DPP10: variants seen among roughly 807,000 people sequenced by gnomAD.
The protein encoded by DPP10 is inactive dipeptidyl peptidase 10.
In DPP10, 33 loss-of-function variants were observed where a neutral mutation model predicts 120.9. That is an observed-to-expected ratio of 0.27 (90% CI 0.21 to 0.37). The LOEUF (loss-of-function observed/expected upper bound fraction) is 0.37. Ranked by LOEUF, DPP10 falls within the 10% of genes least tolerant of loss-of-function variation. The probability of loss-of-function intolerance (pLI) is 1.00; values close to 1 mark genes in which losing one functional copy is unlikely to be tolerated. For synonymous variants in DPP10, 337 were observed against 326.1 expected, an observed-to-expected ratio of 1.03 and a Z score of -0.36; for missense variants, 816 against 942.8, an observed-to-expected ratio of 0.87 and a Z score of 1.76.
In DPP10 at chr2:115,277,447, C is replaced by CTTT. The variant is rs70941038; in HGVS notation, c.61-31763_61-31761dup. 2.9e-3 allele frequency among the ~76,000 whole-genome samples: 144 copies of CTTT among 49,776 alleles called. 10 individuals carry two copies. Among genetic ancestry groups the CTTT allele is most frequent in the African/African-American group, 8.6e-3 (110 of 12,790 alleles). 32.7% of individuals were successfully genotyped at this position (49,776 alleles called of 152,430 possible). On this transcript the variant is annotated intron_variant, in intron 1 of 25. Transcript: ENST00000410059. ...AATTATACTTAAGTCCTGCCAGGGC[C>CTTT]TTTTTTTTTTTTTTTTTTTTTTTTT...
intron 5 of DPP10, among the ~76,000 whole-genome samples, chr2:115,549,159 T>C (rs1287619402): frequency 2.0e-5 from 3 of 152,180 alleles, no homozygotes; most frequent in Non-Finnish European, 4.4e-5. Context: ...TTTGGATACA[T>C]TGACTTGCTG....
intron 5 of DPP10, among the ~76,000 whole-genome samples, chr2:115,668,030 A>C (rs2089597296): frequency 6.6e-6 from 1 of 152,100 alleles, no homozygotes; most frequent in African/African-American, 2.4e-5. Flanking sequence ...ATCTTTTGAC[A>C]GTGTATTATT....
intron 1 of DPP10, among the ~76,000 whole-genome samples, chr2:114,729,444 C>T (rs4362570): frequency 6.6e-6 from 1 of 152,232 alleles, no homozygotes; most frequent in Non-Finnish European, 1.5e-5. Flanking sequence ...GTGGGTTTCA[C>T]CTCCAAGGAT....
At chr2:115,335,197 C>T (rs2063048496) in intron 2 of DPP10, among the ~76,000 whole-genome samples, 1 of 151,914 alleles carries the variant, frequency 6.6e-6, no homozygotes, top group East Asian at 1.9e-4. Context: ...GAAGGAAAGA[C>T]CTGACCCCAT....
At chr2:115,168,111 G>T (rs987115957) in intron 1 of DPP10, among the ~76,000 whole-genome samples, 1 of 152,006 alleles carries the variant, frequency 6.6e-6, no homozygotes, top group African/African-American at 2.4e-5. Flanking sequence ...TGTCCCTACT[G>T]TTATGGGGAG....
intron 3 of DPP10, among the ~76,000 whole-genome samples, chr2:115,497,888 G>A (rs1373782773): frequency 1.3e-5 from 2 of 151,948 alleles, no homozygotes; most frequent in African/African-American, 4.8e-5. Context: ...AATATTTATT[G>A]TTTATGTAAA....
intron 1 of DPP10, among the ~76,000 whole-genome samples, chr2:114,899,889 G>A (rs1326839202): frequency 2.0e-5 from 3 of 152,222 alleles, no homozygotes; most frequent in East Asian, 1.9e-4. Flanking sequence ...GAACCCGGGA[G>A]GTGGAGCTGG....
At chr2:115,722,709 A>G (rs1294342804) in intron 7 of DPP10, among the ~76,000 whole-genome samples, 1 of 152,206 alleles carries the variant, frequency 6.6e-6, no homozygotes, top group Non-Finnish European at 1.5e-5. Context: ...ACCCTTATGT[A>G]TGTGGTCTGT....
chr2:114,754,135 A>T (rs184339433), intron 1 of DPP10, among the ~76,000 whole-genome samples: 3 of 152,218 alleles, frequency 2.0e-5, no homozygotes, highest in Admixed American at 1.3e-4. Flanking sequence ...TCCATAGGAA[A>T]TCTGTGGCTT....
At chr2:114,681,649 A>G (rs1699034884) in intron 1 of DPP10, among the ~76,000 whole-genome samples, 1 of 151,998 alleles carries the variant, frequency 6.6e-6, no homozygotes, top group African/African-American at 2.4e-5. Flanking sequence ...ATATCTGTGC[A>G]TTGAAAAAAA....
At chr2:114,759,702 G>T (rs1212096252) in intron 1 of DPP10, among the ~76,000 whole-genome samples, 1 of 151,750 alleles carries the variant, frequency 6.6e-6, no homozygotes, top group African/African-American at 2.4e-5. Flanking sequence ...GGCAGCAGTA[G>T]GTCAGATGCC....
Position 114,477,699 on chromosome 2 carries a change from A to G in DPP10, c.60+34861A>G, listed in dbSNP as rs974053367. Among the ~76,000 whole-genome samples, 5 of 149,798 alleles carry G rather than the reference A, an allele frequency of 3.3e-5. No individual in the cohort carries two copies. In the East Asian group the frequency reaches 5.9e-4, roughly 18 times the overall value. On this transcript the variant is annotated intron_variant, in intron 1 of 25. Coordinates refer to ENST00000410059, the MANE Select transcript of DPP10 (RefSeq NM_020868.6). ...ACTCGGGAGGCTGAGGCAGTAGAGT[A>G]TGTGTGTGTGTATATATATATATAC...
At chr2:114,544,014 T>C (rs1307778815) in intron 1 of DPP10, among the ~76,000 whole-genome samples, 3 of 151,916 alleles carry the variant, frequency 2.0e-5, no homozygotes, top group African/African-American at 7.3e-5. Flanking sequence ...GTTAGGTATA[T>C]ATCAGGGAAT....
In DPP10 at chr2:115,653,771, G is replaced by A. The variant is rs183719127; in HGVS notation, c.442-35916G>A. Reference sequence around the variant, plus strand: ...AATGATAATGTCATGGGAAAGAAGAGGAGAATGTTGGGGATTATAGCTCTC... The same window carrying A: ...AATGATAATGTCATGGGAAAGAAGAAGAGAATGTTGGGGATTATAGCTCTC... On this transcript the variant is annotated intron_variant, in intron 5 of 25. Coordinates refer to ENST00000410059, the MANE Select transcript of DPP10 (RefSeq NM_020868.6). Among the ~76,000 whole-genome samples the A allele has an allele frequency of 5.9e-4, 89 of 152,068 alleles. 1 individual carries two copies. The highest frequency in any genetic ancestry group is 1.6e-3 in the Admixed American group (24 of 15,248).
chr2:115,335,821 A>G (rs1471881782), intron 2 of DPP10, among the ~76,000 whole-genome samples: 2 of 152,066 alleles, frequency 1.3e-5, no homozygotes, highest in African/African-American at 2.4e-5. Flanking sequence ...GAAGAATACG[A>G]TTAAGAGTAA....
intron 1 of DPP10, among the ~76,000 whole-genome samples, chr2:114,449,942 T>G (rs1678164631): frequency 6.6e-6 from 1 of 152,142 alleles, no homozygotes; most frequent in Non-Finnish European, 1.5e-5. Flanking sequence ...GATTTCATCA[T>G]GAACCTTTAC....
At chr2:115,265,805 G>A (rs1468789571) in intron 1 of DPP10, among the ~76,000 whole-genome samples, 1 of 152,086 alleles carries the variant, frequency 6.6e-6, no homozygotes, top group African/African-American at 2.4e-5. Flanking sequence ...GGGGCCAGGC[G>A]CGGTGGCTCA....
chr2:114,826,327 A>C (rs910373254), intron 1 of DPP10, among the ~76,000 whole-genome samples: 1 of 152,180 alleles, frequency 6.6e-6, no homozygotes, highest in East Asian at 1.9e-4. Flanking sequence ...GAAATGTTAG[A>C]ATTATTTCTG....
At chr2:115,836,420 A>AT in intron 22 of DPP10, 87 bp from the exon 23 acceptor site, 2 of 1,520,832 alleles carry the variant, frequency 1.3e-6, no homozygotes, top group Non-Finnish European at 1.8e-6. Context: ...AAGCATGACA[A>AT]TTAAATGTAA....
Sources: allele counts gnomAD v4.1 joint callset (sites outside exome capture counted in the v4.1 genomes callset), GRCh38; gene constraint gnomAD v4.1.1; transcripts MANE v1.5; gene names NCBI Gene and HGNC (gene_info 2026-07-23, HGNC 2026-07-21).